The following ZNF93 variants were observed in gnomAD, a reference collection of about 807,000 sequenced individuals.
ZNF93 encodes the protein zinc finger protein 505.
Under a neutral mutation model 45.0 loss-of-function variants are expected in ZNF93, and 29 were observed. The observed-to-expected ratio is 0.64, with a 90% CI of 0.48 to 0.88. ZNF93 has a LOEUF of 0.88. Among genes scored for constraint, ZNF93 ranks in the 40% least tolerant of loss-of-function variants. The pLI is 0.00. For missense variants in ZNF93, 578 were observed against 724.0 expected, an observed-to-expected ratio of 0.80 and a Z score of 2.31; for synonymous variants, 223 against 244.6, an observed-to-expected ratio of 0.91 and a Z score of 0.82.
chr19:19,901,128 G>A (rs543419136), intron 1 of ZNF93, 37 bp downstream of exon 1: 1 of 1,613,218 alleles, frequency 6.2e-7, no homozygotes, highest in East Asian at 2.2e-5. Context: ...GCGACGGGGA[G>A]GGGCTGGTTG....
chr19:19,918,961 A>C (rs1034406076), intron 3 of ZNF93, among the ~76,000 whole-genome samples: 1 of 151,892 alleles, frequency 6.6e-6, no homozygotes, highest in Non-Finnish European at 1.5e-5. Context: ...TAGTTTAATT[A>C]GATCCCATTT....
Position 19,919,626 on chromosome 19 carries a change from T to C in ZNF93, c.226+2971T>C, listed in dbSNP as rs945777489. ...CATGTGTTTGTATCCTCTTTTATTT[T>C]GTTGAGCAGTGGTTTGTAGTTCTCC... On this transcript the variant is annotated intron_variant, in intron 3 of 3. Coordinates refer to ENST00000343769, the MANE Select transcript of ZNF93 (RefSeq NM_031218.4). Among the ~76,000 whole-genome samples, 8 of 152,280 alleles carry C rather than the reference T, an allele frequency of 5.3e-5. No individual in the cohort carries two copies. The Middle Eastern group carries it at 0.01, about 194-fold the overall frequency.
At position 19,933,232 on chromosome 19, in the gene ZNF93, G is replaced by A. The variant is rs12151060; in HGVS notation, c.277G>A (p.Asp93Asn). 1 of 1,600,348 alleles carries A rather than the reference G, an allele frequency of 6.2e-7. No homozygotes were observed. Among genetic ancestry groups the A allele is most frequent in the Non-Finnish European group, 8.5e-7 (1 of 1,173,616 alleles). Residue 93 changes from aspartate (D) to asparagine (N), a missense_variant, in exon 4 of 4, where the codon GAT becomes AAT. Coordinates refer to ENST00000343769, the MANE Select transcript of ZNF93 (RefSeq NM_031218.4). ...QDLWPEQNIKDSFQKVILRRY... is the reference protein window; with the variant it reads ...QDLWPEQNIKNSFQKVILRRY... Reference sequence around the variant, plus strand: ...TCTTTGGCCAGAGCAGAACATAAAAGATTCTTTCCAAAAAGTGATACTGAG... The same window carrying A: ...TCTTTGGCCAGAGCAGAACATAAAAAATTCTTTCCAAAAAGTGATACTGAG...
At chr19:19,902,584 G>C (rs2063276947) in intron 1 of ZNF93, among the ~76,000 whole-genome samples, 1 of 151,742 alleles carries the variant, frequency 6.6e-6, no homozygotes, top group African/African-American at 2.4e-5. Context: ...GTCCTATTTA[G>C]CTTTTTCTGG....
intron 1 of ZNF93, among the ~76,000 whole-genome samples, chr19:19,904,073 AAAAG>A (rs1359317724): frequency 4.6e-5 from 7 of 151,846 alleles, no homozygotes; most frequent in African/African-American, 7.3e-5. Flanking sequence ...AAAAAAAAAA[AAAAG>A]AAATATTTTA....
chr19:19,923,157 G>A (rs1038488747), intron 3 of ZNF93, among the ~76,000 whole-genome samples: 1 of 152,174 alleles, frequency 6.6e-6, no homozygotes, highest in African/African-American at 2.4e-5. Flanking sequence ...CTAACAGTCA[G>A]GACCCTCAGC....
At chr19:19,907,945 T>C (rs1159339142) in intron 1 of ZNF93, 1 of 152,216 alleles carries the variant, frequency 6.6e-6, no homozygotes, top group African/African-American at 2.4e-5. Flanking sequence ...GTGTTTGAAG[T>C]ATAGTTGCAA....
rs775284930 is a variant in ZNF93, at chr19:19,933,315, A to C, written c.360A>C (p.Val120=). The change falls in exon 4 of 4, where the codon GTA becomes GTC. Residue 120 remains valine (V), a synonymous_variant. Transcript: ENST00000343769. ...NLQLIKRCES[V]DECKVHTGGY... ...AGTTAATAAAAAGGTGTGAAAGTGT[A>C]GATGAGTGTAAGGTGCACACAGGAG... 1.2e-5 allele frequency: 19 copies of C among 1,613,044 alleles called. No homozygotes were observed. The South Asian group carries it at 2.0e-4, about 17-fold the overall frequency.
chr19:19,924,438 G>A, intron 3 of ZNF93, among the ~76,000 whole-genome samples: 1 of 151,986 alleles, frequency 6.6e-6, no homozygotes, highest in East Asian at 1.9e-4. Context: ...TACTTCTAGT[G>A]CTACATTCAA....
intron 2 of ZNF93, 54 bp from the exon 3 acceptor site, chr19:19,916,506 C>T: frequency 7.0e-7 from 1 of 1,430,144 alleles, no homozygotes; most frequent in Non-Finnish European, 9.8e-7. Context: ...ACATTACTAG[C>T]TTGTAATTGG....
chr19:19,903,645 A>G (rs886891635), intron 1 of ZNF93, among the ~76,000 whole-genome samples: 8 of 152,022 alleles, frequency 5.3e-5, no homozygotes, highest in African/African-American at 1.9e-4. Flanking sequence ...GCCCACCTGT[A>G]TTCCCAGCTA....
Position 19,902,975 on chromosome 19 carries a change from A to G in ZNF93, c.3+1884A>G, listed in dbSNP as rs539069062. Among the ~76,000 whole-genome samples, 115 of 150,346 alleles carry G rather than the reference A, an allele frequency of 7.6e-4. 1 individual carries two copies. The highest frequency in any genetic ancestry group is 1.4e-3 in the Non-Finnish European group (97 of 67,374). On this transcript the variant is annotated intron_variant, in intron 1 of 3. Coordinates refer to ENST00000343769, the MANE Select transcript of ZNF93 (RefSeq NM_031218.4). ...AGGATGGTCTCGATCTCATGACCTC[A>G]TGGTCCACCCGCCTCGGCCTCCCAA...
chr19:19,934,301 G>C lies in ZNF93; in HGVS notation c.1346G>C (p.Gly449Ala), dbSNP rs2063385736. The change falls in exon 4 of 4, where the codon GGA becomes GCA. Residue 449 changes from glycine (G) to alanine (A), a missense_variant. This residue lies in a region of ZNF93 where 446 missense variants were observed against 547.6 expected (regional missense o/e 0.81). Transcript: ENST00000343769. ...AGTAAACATGAGATCATTCATACTG[G>C]AAAGAAACCCTACAAGTGTGAAGAA... ...TLSKHEIIHT[G>A]KKPYKCEECG... 1 of 1,613,064 alleles carries C rather than the reference G, an allele frequency of 6.2e-7. No individual in the cohort carries two copies.
At chr19:19,911,837 C>T (rs2063309459) in intron 1 of ZNF93, among the ~76,000 whole-genome samples, 2 of 151,882 alleles carry the variant, frequency 1.3e-5, no homozygotes, top group South Asian at 2.1e-4. Context: ...GTAAACTCTG[C>T]CGCCCGGGTT....
chr19:19,934,896 A>G lies in ZNF93; in HGVS notation c.*78A>G. ...ACTGAGAGTTCTGAACTTACTCTGT[A>G]ACCATCCCAAACTCCTCCCAGGCAC... On this transcript the variant is annotated 3_prime_UTR_variant, in exon 4 of 4. Transcript: ENST00000343769. 7.0e-7 allele frequency: 1 copy of G among 1,432,190 alleles called. No individual in the cohort carries two copies. The allele number at this position is 1,432,190 out of a possible 1,614,324, so 88.7% of individuals were successfully genotyped here. A position where few individuals can be genotyped will look rare whatever the true frequency, so the allele number is the denominator to read the frequency against.
rs544433326 is a variant in ZNF93 at position 19,919,384 on chromosome 19, C to G, written c.226+2729C>G. Among the ~76,000 whole-genome samples the G allele has an allele frequency of 6.1e-3, 930 of 152,242 alleles. 11 individuals are homozygous for G. Among genetic ancestry groups the G allele is most frequent in the African/African-American group, 0.02 (845 of 41,536 alleles). ...TGTAGTATAGTTTGAAGTCAGGTAGCATGATGCCTCCAGCTTTGTTCTTTT... is the reference window on the plus strand; with the variant it reads ...TGTAGTATAGTTTGAAGTCAGGTAGGATGATGCCTCCAGCTTTGTTCTTTT... On this transcript the variant is annotated intron_variant, in intron 3 of 3. Coordinates refer to ENST00000343769, the MANE Select transcript of ZNF93 (RefSeq NM_031218.4).
intron 3 of ZNF93, among the ~76,000 whole-genome samples, chr19:19,919,840 G>T (rs2122180618): frequency 6.6e-6 from 1 of 151,356 alleles, no homozygotes. Context: ...TTATCAGCTT[G>T]AGATTTTGGG....
In ZNF93 at chr19:19,923,063, T is replaced by C. The variant is rs552889429; in HGVS notation, c.226+6408T>C. Among the ~76,000 whole-genome samples, 132 of 152,294 alleles carry C rather than the reference T, an allele frequency of 8.7e-4. 1 individual carries two copies. Among genetic ancestry groups the C allele is most frequent in the Non-Finnish European group, 1.4e-3 (97 of 68,024 alleles). ...GCTCTGTTTTTCCCCATCTTTGTGG[T>C]TTTATCTACCTTTGGTCTTTGATGA... On this transcript the variant is annotated intron_variant, in intron 3 of 3. Coordinates refer to ENST00000343769, the MANE Select transcript of ZNF93 (RefSeq NM_031218.4).
intron 3 of ZNF93, among the ~76,000 whole-genome samples, chr19:19,921,690 T>G (rs2063342906): frequency 6.6e-6 from 1 of 152,068 alleles, no homozygotes. Flanking sequence ...CCCTTTACCA[T>G]TATGTAATGG....
Sources: allele counts gnomAD v4.1 joint callset (sites outside exome capture counted in the v4.1 genomes callset), GRCh38; gene constraint gnomAD v4.1.1; regional missense constraint gnomAD v4.1.1; transcripts MANE v1.5; gene names NCBI Gene and HGNC (gene_info 2026-07-23, HGNC 2026-07-21).